TRPC6: variants seen among roughly 807,000 people sequenced by gnomAD.
TRPC6 encodes short transient receptor potential channel 6.
Under a neutral mutation model 90.7 loss-of-function variants are expected in TRPC6, and 55 were observed. The ratio of observed to expected loss-of-function variants is 0.61; its 90% confidence interval spans 0.49 to 0.76. The LOEUF is 0.76. TRPC6 is among the 30% of genes least tolerant of loss of function. TRPC6 has a pLI of 0.00. For missense variants in TRPC6, 989 were observed against 1,122.7 expected, an observed-to-expected ratio of 0.88 and a Z score of 1.70; for synonymous variants, 393 against 393.0, an observed-to-expected ratio of 1.00 and a Z score of 0.00.
At chr11:101,574,003 G>C (rs1862022615) in intron 1 of TRPC6, among the ~76,000 whole-genome samples, 1 of 149,422 alleles carries the variant, frequency 6.7e-6, no homozygotes, top group South Asian at 2.1e-4. Flanking sequence ...AAGGAACAGT[G>C]TTGAATCAGA....
At chr11:101,479,534 T>C (rs1168682598) in intron 5 of TRPC6, among the ~76,000 whole-genome samples, 1 of 152,174 alleles carries the variant, frequency 6.6e-6, no homozygotes, top group Non-Finnish European at 1.5e-5. Flanking sequence ...AGTGTCATCC[T>C]CTCCCTCAAG....
intron 1 of TRPC6, among the ~76,000 whole-genome samples, chr11:101,558,425 ATC>A (rs1861634396): frequency 8.9e-6 from 1 of 111,770 alleles, no homozygotes; most frequent in Non-Finnish European, 1.8e-5. Flanking sequence ...ACACACACAT[ATC>A]TACATATATA....
Position 101,491,901 on chromosome 11 carries a change from C to T in TRPC6, c.946-163G>A, listed in dbSNP as rs556298722. ...TGTTGCCCAGGCTGGAGTGCAGTGG[C>T]ACAATCTTGGCTCACTGCAAGATCC... On this transcript the variant is annotated intron_variant, in intron 2 of 12. Coordinates refer to ENST00000344327, the MANE Select transcript of TRPC6 (RefSeq NM_004621.6). 3.8e-5 allele frequency among the ~76,000 whole-genome samples: 5 copies of T among 130,144 alleles called. No homozygotes were observed. In the East Asian group the frequency reaches 1.1e-3, roughly 29 times the overall value. 85.4% of individuals were successfully genotyped at this position (130,144 alleles called of 152,430 possible).
In TRPC6 at chr11:101,544,597, G is replaced by A. The variant is rs145733189; in HGVS notation, c.170+38737C>T. Among the ~76,000 whole-genome samples, 1,401 of 152,134 alleles carry A rather than the reference G, an allele frequency of 9.2e-3. 15 individuals carry two copies. The highest frequency in any genetic ancestry group is 0.015 in the Non-Finnish European group (1,043 of 67,998). ...CCTTTGCAGGGACATGAATGAAGCTGGAAACCATCATTCTCAGCAAACTAA... is the reference window on the plus strand; with the variant it reads ...CCTTTGCAGGGACATGAATGAAGCTAGAAACCATCATTCTCAGCAAACTAA... On this transcript the variant is annotated intron_variant, in intron 1 of 12. Transcript: ENST00000344327.
chr11:101,573,241 C>T (rs559292971), intron 1 of TRPC6, among the ~76,000 whole-genome samples: 14 of 147,150 alleles, frequency 9.5e-5, no homozygotes, highest in East Asian at 3.1e-4. Context: ...CTACCAGATG[C>T]GAGTCATTTT....
chr11:101,477,949 T>G (rs1438826027), intron 5 of TRPC6, among the ~76,000 whole-genome samples: 1 of 152,214 alleles, frequency 6.6e-6, no homozygotes, highest in African/African-American at 2.4e-5. Flanking sequence ...ACATCCTGCC[T>G]CCTGCTGGAG....
At chr11:101,471,512 C>T in intron 8 of TRPC6, 126 bp from the exon 9 acceptor site, 1 of 1,011,592 alleles carries the variant, frequency 9.9e-7, no homozygotes, top group East Asian at 2.5e-5. Flanking sequence ...GTGATCGTTC[C>T]AAGATTTTTT....
chr11:101,556,202 C>T (rs895797124), intron 1 of TRPC6, among the ~76,000 whole-genome samples: 1 of 151,536 alleles, frequency 6.6e-6, no homozygotes, highest in Admixed American at 6.6e-5. Flanking sequence ...CAGAAGGGAG[C>T]AAATAATAAA....
intron 1 of TRPC6, among the ~76,000 whole-genome samples, chr11:101,518,324 A>G: frequency 6.6e-6 from 1 of 152,196 alleles, no homozygotes. Context: ...AGAATATATA[A>G]AGTGCTCAAA....
Position 101,558,274 on chromosome 11 carries a change from CATGTATAT to C in TRPC6, c.170+25052_170+25059del, listed in dbSNP as rs374596588. ...ATATGTATACATGTATATGGGTATACATGTATATATGTATACATGTATATGGGTATACA... is the reference window on the plus strand; with the variant it reads ...ATATGTATACATGTATATGGGTATACATGTATACATGTATATGGGTATACA... On this transcript the variant is annotated intron_variant, in intron 1 of 12. Coordinates refer to ENST00000344327, the MANE Select transcript of TRPC6 (RefSeq NM_004621.6). 1.5e-4 allele frequency among the ~76,000 whole-genome samples: 19 copies of C among 122,666 alleles called. 2 individuals carry two copies. Among genetic ancestry groups the C allele is most frequent in the African/African-American group, 4.0e-4 (13 of 32,240 alleles). The allele number at this position is 122,666 out of a possible 152,430, so 80.5% of individuals were successfully genotyped here.
At position 101,490,234 on chromosome 11, in the gene TRPC6, T is replaced by C. The variant is rs560228632; in HGVS notation, c.1129-1133A>G. Among the ~76,000 whole-genome samples, 3 of 152,246 alleles carry C rather than the reference T, an allele frequency of 2.0e-5. No individual in the cohort carries two copies. In the South Asian group the frequency reaches 6.2e-4, roughly 32 times the overall value. ...AACAGATTATGTGAATATAATGAAGTAACAATGCAACCTTTAAAAAGATAA... is the reference window on the plus strand; with the variant it reads ...AACAGATTATGTGAATATAATGAAGCAACAATGCAACCTTTAAAAAGATAA... On this transcript the variant is annotated intron_variant, in intron 3 of 12. Coordinates refer to ENST00000344327, the MANE Select transcript of TRPC6 (RefSeq NM_004621.6).
intron 2 of TRPC6, among the ~76,000 whole-genome samples, chr11:101,502,419 C>T (rs1860151838): frequency 6.6e-6 from 1 of 152,008 alleles, no homozygotes; most frequent in South Asian, 2.1e-4. Flanking sequence ...CCTCAACTGT[C>T]CCCAGTAAAA....
chr11:101,514,939 C>T (rs1484901871), intron 1 of TRPC6, among the ~76,000 whole-genome samples: 2 of 152,178 alleles, frequency 1.3e-5, no homozygotes, highest in African/African-American at 2.4e-5. Context: ...TAAAGAAAGA[C>T]ATGCTGAGTT....
chr11:101,509,830 CA>C (rs1402397865), intron 1 of TRPC6, among the ~76,000 whole-genome samples: 1 of 152,018 alleles, frequency 6.6e-6, no homozygotes, highest in Non-Finnish European at 1.5e-5. Flanking sequence ...CCTAGATTAT[CA>C]TAATCTGTTT....
At chr11:101,495,863 G>A (rs958930753) in intron 2 of TRPC6, among the ~76,000 whole-genome samples, 4 of 152,088 alleles carry the variant, frequency 2.6e-5, no homozygotes, top group Non-Finnish European at 4.4e-5. Context: ...CTACATGTGA[G>A]GAGTAAGCAT....
In TRPC6 at chr11:101,583,687, G is replaced by T. The variant is rs1862257588; in HGVS notation, c.-184C>A. 7 of 579,176 alleles carry T rather than the reference G, an allele frequency of 1.2e-5. No individual in the cohort carries two copies. The highest frequency in any genetic ancestry group is 1.9e-5 in the Non-Finnish European group (7 of 361,048). 35.9% of individuals were successfully genotyped at this position (579,176 alleles called of 1,614,324 possible). A position where few individuals can be genotyped will look rare whatever the true frequency, so the allele number is the denominator to read the frequency against. On this transcript the variant is annotated 5_prime_UTR_variant, in exon 1 of 13. Transcript: ENST00000344327. ...CCGCAAGTGGCTCGCCCACTGGCCC[G>T]GGGAAAAGTCACCACTTAAGGGGGT...
chr11:101,462,816 A>T (rs1859037100), intron 10 of TRPC6, among the ~76,000 whole-genome samples: 1 of 152,182 alleles, frequency 6.6e-6, no homozygotes, highest in South Asian at 2.1e-4. Flanking sequence ...CTCTTGCCTG[A>T]ATCCCCTTGC....
At chr11:101,457,106 G>A (rs894476446) in intron 10 of TRPC6, among the ~76,000 whole-genome samples, 4 of 152,164 alleles carry the variant, frequency 2.6e-5, no homozygotes, top group Middle Eastern at 3.4e-3. Context: ...TTTGAAAATT[G>A]AATAGTATTT....
intron 7 of TRPC6, 84 bp downstream of exon 7, chr11:101,473,425 A>G (rs1387669896): frequency 1.3e-6 from 2 of 1,496,112 alleles, no homozygotes; most frequent in African/African-American, 2.8e-5. Flanking sequence ...CCAAAACATT[A>G]TCCCATGGAC....
Sources: allele counts gnomAD v4.1 joint callset (sites outside exome capture counted in the v4.1 genomes callset), GRCh38; gene constraint gnomAD v4.1.1; transcripts MANE v1.5; gene names NCBI Gene and HGNC (gene_info 2026-07-23, HGNC 2026-07-21).